The following ENPP5 variants were observed in gnomAD, a reference collection of about 807,000 sequenced individuals.
ENPP5 encodes E-NPP 5.
ENPP5 carries 27 observed loss-of-function variants against 33.7 expected under a neutral mutation model. The ratio of observed to expected loss-of-function variants is 0.80; its 90% CI spans 0.59 to 1.11. The LOEUF is 1.11. ENPP5 is among the 50% of genes least tolerant of loss of function. The pLI is 0.00. For missense variants in ENPP5, 552 were observed against 579.2 expected, an observed-to-expected ratio of 0.95 and a Z score of 0.48; for synonymous variants, 199 against 200.5, an observed-to-expected ratio of 0.99 and a Z score of 0.06.
Position 46,170,042 on chromosome 6 carries a change from T to G in ENPP5, c.-36+11A>C, listed in dbSNP as rs1764689692. 1 of 152,204 alleles carries G rather than the reference T, an allele frequency of 6.6e-6. No individual in the cohort carries two copies. Among genetic ancestry groups the G allele is most frequent in the South Asian group, 2.1e-4 (1 of 4,828 alleles). 9.4% of individuals were successfully genotyped at this position (152,204 alleles called of 1,614,324 possible). ...AATAGCAAATAGGTTACTGCAAATA[T>G]ATTTACTCACCTATCTGGCTATGGA... On this transcript the variant is annotated intron_variant, in intron 2 of 4. Transcript: ENST00000371383.
chr6:46,160,832 C>A lies in ENPP5; in HGVS notation c.*494G>T. On this transcript the variant is annotated 3_prime_UTR_variant, in exon 5 of 5. Coordinates refer to ENST00000371383, the MANE Select transcript of ENPP5 (RefSeq NM_001290072.2). ...TCTCTCAATTTATGGAGATAGATTT[C>A]TACGTTCATTATTCGGGATTATTAG... is the stretch of plus-strand genomic sequence containing the variant. 6.4e-6 allele frequency: 1 copy of A among 155,822 alleles called. No individual in the cohort carries two copies. The highest frequency in any genetic ancestry group is 2.0e-4 in the South Asian group (1 of 5,066). The allele number at this position is 155,822 out of a possible 1,614,324, so 9.7% of individuals were successfully genotyped here. A position where few individuals can be genotyped will look rare whatever the true frequency, so the allele number is the denominator to read the frequency against.
Position 46,168,214 on chromosome 6 carries a change from G to A in ENPP5, c.49C>T (p.Leu17Phe). Reference protein sequence around the residue: ...LVSFILAALSLSTTFSLQPDQ... With the variant: ...LVSFILAALSFSTTFSLQPDQ... Reference sequence around the variant, plus strand: ...GGTTGGAGAGAAAAGGTGGTTGAAAGACTCAGTGCAGCAAGTATGAAGGAC... The same window carrying A: ...GGTTGGAGAGAAAAGGTGGTTGAAAAACTCAGTGCAGCAAGTATGAAGGAC... Residue 17 changes from leucine to phenylalanine, a missense_variant, in exon 3 of 5, where the codon CTT (leucine) becomes TTT (phenylalanine). By Grantham distance (22) the Leu-to-Phe change is conservative (BLOSUM62 0). Coordinates refer to ENST00000371383, the MANE Select transcript of ENPP5 (RefSeq NM_001290072.2). The A allele has an allele frequency of 6.2e-7, 1 of 1,609,460 alleles. No individual in the cohort carries two copies. Among genetic ancestry groups the A allele is most frequent in the Middle Eastern group, 1.7e-4 (1 of 6,038 alleles).
At chr6:46,165,984 T>G (rs1764532715) in intron 3 of ENPP5, among the ~76,000 whole-genome samples, 1 of 152,042 alleles carries the variant, frequency 6.6e-6, no homozygotes, top group Admixed American at 6.5e-5. Context: ...GTTTGTAAAA[T>G]GGAAACATCT....
At chr6:46,165,287 G>T (rs1270643947) in intron 4 of ENPP5, 100 bp downstream of exon 4, 14 of 928,448 alleles carry the variant, frequency 1.5e-5, no homozygotes, top group Middle Eastern at 5.6e-4. Context: ...GTAACAGACA[G>T]TAAAAATATC....
At position 46,161,050 on chromosome 6, in the gene ENPP5, T is replaced by C. The variant is rs915055982; in HGVS notation, c.*276A>G. On this transcript the variant is annotated 3_prime_UTR_variant, in exon 5 of 5. Transcript: ENST00000371383. ...AGTGCAAAGTTGCTAAATATATACA[T>C]TATCTGCGCCAAGTCCAAATAAAGC... is the stretch of plus-strand genomic sequence containing the variant. The C allele has an allele frequency of 4.9e-5, 19 of 391,300 alleles. No individual in the cohort carries two copies. Among genetic ancestry groups the C allele is most frequent in the African/African-American group, 3.2e-4 (16 of 49,934 alleles). The allele number at this position is 391,300 out of a possible 1,614,324, so 24.2% of individuals were successfully genotyped here.
At chr6:46,167,212 T>C (rs181463984) in intron 3 of ENPP5, among the ~76,000 whole-genome samples, 200 of 152,272 alleles carry the variant, frequency 1.3e-3, no homozygotes, top group Non-Finnish European at 2.2e-3. Context: ...CATACATACA[T>C]AGAGCACATC....
chr6:46,163,464 G>A (rs1266290776), intron 4 of ENPP5, among the ~76,000 whole-genome samples: 1 of 148,352 alleles, frequency 6.7e-6, no homozygotes, highest in African/African-American at 2.5e-5. Flanking sequence ...AGAATATGCA[G>A]TGTTTGGTTT....
At chr6:46,166,002 C>A (rs565600996) in intron 3 of ENPP5, among the ~76,000 whole-genome samples, 1 of 152,116 alleles carries the variant, frequency 6.6e-6, no homozygotes, top group East Asian at 1.9e-4. Context: ...TCTGAAAACA[C>A]TGGAGGTGTT....
Position 46,161,175 on chromosome 6 carries a change from G to GTA in ENPP5, c.*150_*151insTA. 1 of 336,362 alleles carries GTA rather than the reference G, an allele frequency of 3.0e-6. No individual in the cohort carries two copies. The highest frequency in any genetic ancestry group is 5.4e-6 in the Non-Finnish European group (1 of 186,644). The allele number at this position is 336,362 out of a possible 1,614,324, so 20.8% of individuals were successfully genotyped here. A position where few individuals can be genotyped will look rare whatever the true frequency, so the allele number is the denominator to read the frequency against. On this transcript the variant is annotated 3_prime_UTR_variant, in exon 5 of 5. Transcript: ENST00000371383. ...AGTATTTTGGTCCGTGTGTGTGTAT[G>GTA]TGTGTGTGTGTGTGTGTGTATACCT...
chr6:46,161,787 A>G, intron 4 of ENPP5, 34 bp from the exon 5 acceptor site: 1 of 1,505,074 alleles, frequency 6.6e-7, no homozygotes, highest in Non-Finnish European at 9.1e-7. Flanking sequence ...AAGTTAGCCA[A>G]CTATGCATTA....
Position 46,161,019 on chromosome 6 carries a change from T to TTGTA in ENPP5, c.*306_*307insTACA, listed in dbSNP as rs1375771680. ...TTTAAAGTGCAATACATAAGGTACTTTACATAGTGCAAAGTTGCTAAATAT... is the reference window on the plus strand; with the variant it reads ...TTTAAAGTGCAATACATAAGGTACTTTGTATACATAGTGCAAAGTTGCTAAATAT... On this transcript the variant is annotated 3_prime_UTR_variant, in exon 5 of 5. Transcript: ENST00000371383. 3.2e-6 allele frequency: 1 copy of TTGTA among 309,604 alleles called. No homozygotes were observed. Among genetic ancestry groups the TTGTA allele is most frequent in the Non-Finnish European group, 6.1e-6 (1 of 164,564 alleles). The allele number at this position is 309,604 out of a possible 1,614,324, so 19.2% of individuals were successfully genotyped here. A position where few individuals can be genotyped will look rare whatever the true frequency, so the allele number is the denominator to read the frequency against.
chr6:46,166,588 T>C (rs1764554790), intron 3 of ENPP5, among the ~76,000 whole-genome samples: 2 of 152,036 alleles, frequency 1.3e-5, no homozygotes, highest in African/African-American at 4.8e-5. Context: ...CCTAGCTAAT[T>C]TTCTTAAACC....
chr6:46,161,230 A>G lies in ENPP5; in HGVS notation c.*96T>C, dbSNP rs6941587. 340,222 of 998,264 alleles carry G rather than the reference A, an allele frequency of 0.34. 60,023 individuals are homozygous for G. The highest frequency in any genetic ancestry group is 0.41 in the Middle Eastern group (1,239 of 3,056). 61.8% of individuals were successfully genotyped at this position (998,264 alleles called of 1,614,324 possible). A position where few individuals can be genotyped will look rare whatever the true frequency, so the allele number is the denominator to read the frequency against. On this transcript the variant is annotated 3_prime_UTR_variant, in exon 5 of 5. Transcript: ENST00000371383. ...ATGTAACTGCTTAATGGTTTCTGCA[A>G]ATGTTTGGAACTGGTTTCCCAGAAT...
intron 3 of ENPP5, among the ~76,000 whole-genome samples, chr6:46,166,217 TTCCC>T (rs887254644): frequency 6.6e-6 from 1 of 151,516 alleles, no homozygotes; most frequent in Non-Finnish European, 1.5e-5. Context: ...CCCTTCCTCC[TTCCC>T]TCCCTCCTCT....
Position 46,161,739 on chromosome 6 carries a change from A to C in ENPP5, c.1021T>G (p.Tyr341Asp), listed in dbSNP as rs1764402632. Reference protein sequence around the residue: ...SDDFLLGNHGYDNALADMHPI... With the variant: ...SDDFLLGNHGDDNALADMHPI... Reference sequence around the variant, plus strand: ...TGCATATCTGCTAACGCATTATCGTAACCGTGGTTGCCTACTGTAAAGAGA... The same window carrying C: ...TGCATATCTGCTAACGCATTATCGTCACCGTGGTTGCCTACTGTAAAGAGA... Residue 341 changes from tyrosine to aspartate, a missense_variant, in exon 5 of 5, where the codon TAC becomes GAC. Transcript: ENST00000371383. The C allele has an allele frequency of 6.2e-7, 1 of 1,609,216 alleles. No homozygotes were observed. Among genetic ancestry groups the C allele is most frequent in the East Asian group, 2.2e-5 (1 of 44,882 alleles).
At chr6:46,167,319 C>A (rs1764576191) in intron 3 of ENPP5, 115 bp downstream of exon 3, 5 of 696,790 alleles carry the variant, frequency 7.2e-6, no homozygotes, top group Non-Finnish European at 9.8e-6. Context: ...AGAATATTAC[C>A]ATGACACAGG....
intron 4 of ENPP5, among the ~76,000 whole-genome samples, chr6:46,162,980 C>T (rs1310508551): frequency 1.3e-5 from 2 of 152,174 alleles, no homozygotes; most frequent in Non-Finnish European, 2.9e-5. Flanking sequence ...TATCTTATAT[C>T]ACACTTCTTA....
chr6:46,160,550 G>A lies in ENPP5; in HGVS notation c.*776C>T, dbSNP rs1764357462. ...TATAGAAAAAAAGTATATTCATGGTGTCTTCATTATTATGAAAATCACAGT... is the reference window on the plus strand; with the variant it reads ...TATAGAAAAAAAGTATATTCATGGTATCTTCATTATTATGAAAATCACAGT... On this transcript the variant is annotated 3_prime_UTR_variant, in exon 5 of 5. Transcript: ENST00000371383. 6.6e-6 allele frequency: 1 copy of A among 152,066 alleles called. No homozygotes were observed. The highest frequency in any genetic ancestry group is 2.4e-5 in the African/African-American group (1 of 41,394). 9.4% of individuals were successfully genotyped at this position (152,066 alleles called of 1,614,324 possible). A position where few individuals can be genotyped will look rare whatever the true frequency, so the allele number is the denominator to read the frequency against.
intron 4 of ENPP5, among the ~76,000 whole-genome samples, chr6:46,164,735 T>A (rs926992559): frequency 4.6e-5 from 7 of 151,738 alleles, no homozygotes; most frequent in Non-Finnish European, 1.0e-4. Flanking sequence ...TTTATTTTTT[T>A]TTTTTTGCTT....
Sources: gnomAD v4.1 joint callset for allele counts (sites outside exome capture counted in the v4.1 genomes callset) on GRCh38, gnomAD v4.1.1 for gene constraint, MANE v1.5 for transcripts, NCBI Gene and HGNC (gene_info 2026-07-23, HGNC 2026-07-21) for gene names.